The following ZDHHC24 variants were observed in gnomAD, a reference collection of about 807,000 sequenced individuals.
The protein encoded by ZDHHC24 is zDHHC palmitoyltransferase 24, also known as probable palmitoyltransferase ZDHHC24.
In ZDHHC24, 17 loss-of-function variants were observed where a neutral mutation model predicts 23.2. The ratio of observed to expected loss-of-function variants is 0.73; its 90% CI spans 0.50 to 1.10. The LOEUF is 1.10. Ranked by LOEUF, ZDHHC24 falls within the 50% of genes least tolerant of loss-of-function variation. ZDHHC24 has a pLI of 0.00. For synonymous variants in ZDHHC24, 186 were observed against 194.5 expected (o/e 0.96, Z 0.36); for missense variants, 366 against 393.0 (o/e 0.93, Z 0.58).
At chr11:66,523,364 AG>A in intron 4 of ZDHHC24, 6 of 1,571,782 alleles carry the variant, frequency 3.8e-6, no homozygotes, top group Non-Finnish European at 5.3e-6. Flanking sequence ...TGTTCCTCCC[AG>A]GTGAGTCCAT....
rs1042599819 is a variant in ZDHHC24, at chr11:66,546,025, G to A, written c.-22C>T. The A allele has an allele frequency of 5.8e-6, 8 of 1,377,340 alleles. No individual in the cohort carries two copies. The African/African-American group carries it at 1.2e-4, about 21-fold the overall frequency. 85.3% of individuals were successfully genotyped at this position (1,377,340 alleles called of 1,614,324 possible). ...CCATGGCCTGGACACCCAGCTGTCG[G>A]AGCCGGAGGACTAGGCCGCTTCCGT... On this transcript the variant is annotated 5_prime_UTR_variant, in exon 1 of 3. Coordinates refer to ENST00000310442, the MANE Select transcript of ZDHHC24 (RefSeq NM_207340.3).
chr11:66,523,098 T>C (rs1377095218), intron 4 of ZDHHC24: 1 of 470,524 alleles, frequency 2.1e-6, no homozygotes, highest in Non-Finnish European at 4.2e-6. Context: ...TTTCTCATAA[T>C]AAAGTGCCTA....
intron 4 of ZDHHC24, chr11:66,524,099 G>A: frequency 4.8e-6 from 3 of 626,136 alleles, no homozygotes; most frequent in Non-Finnish European, 8.5e-6. Flanking sequence ...AGCCAACATG[G>A]CATAACCCCC....
Position 66,536,540 on chromosome 11 carries a change from T to G in ZDHHC24, c.*2989A>C. ...GCTTGGGCAACAGAGAGACTCCATCTCGAAAAATAAAACAAAACACACAAA... is the reference window on the plus strand; with the variant it reads ...GCTTGGGCAACAGAGAGACTCCATCGCGAAAAATAAAACAAAACACACAAA... On this transcript the variant is annotated 3_prime_UTR_variant, in exon 3 of 3. Transcript: ENST00000310442. 6.6e-6 allele frequency: 1 copy of G among 152,256 alleles called. No individual in the cohort carries two copies. Among genetic ancestry groups the G allele is most frequent in the South Asian group, 2.1e-4 (1 of 4,822 alleles). The allele number at this position is 152,256 out of a possible 1,614,324, so 9.4% of individuals were successfully genotyped here. A position where few individuals can be genotyped will look rare whatever the true frequency, so the allele number is the denominator to read the frequency against.
chr11:66,539,889 C>A, intron 2 of ZDHHC24, 65 bp from the exon 3 acceptor site: 1 of 1,420,842 alleles, frequency 7.0e-7, no homozygotes, highest in Admixed American at 2.5e-5. Flanking sequence ...GCCACCTGCT[C>A]CCCTCCACCA....
At chr11:66,530,443 G>A (rs1047021667) in intron 2 of ZDHHC24, among the ~76,000 whole-genome samples, 1 of 152,044 alleles carries the variant, frequency 6.6e-6, no homozygotes, top group South Asian at 2.1e-4. Flanking sequence ...AGCAGGGCTC[G>A]GACCAGCCCT....
chr11:66,541,420 C>A (rs1031401934), intron 2 of ZDHHC24, among the ~76,000 whole-genome samples: 98 of 149,082 alleles, frequency 6.6e-4, no homozygotes, highest in Admixed American at 2.4e-3. Context: ...AAAAAAAAAA[C>A]CATTCTGTTT....
chr11:66,524,107 C>T (rs1018657874), intron 4 of ZDHHC24: 3 of 592,516 alleles, frequency 5.1e-6, no homozygotes, highest in Non-Finnish European at 9.1e-6. Context: ...TGGCATAACC[C>T]CCTTGCTACT....
chr11:66,526,330 C>G, intron 4 of ZDHHC24: 1 of 911,054 alleles, frequency 1.1e-6, no homozygotes, highest in Non-Finnish European at 1.7e-6. Context: ...AAGTGTCCTT[C>G]TGGAGCTAGG....
In ZDHHC24 at chr11:66,543,777, C is replaced by T. The variant is rs775767682; in HGVS notation, c.486G>A (p.Ser162=). The change falls in exon 2 of 3, where the codon TCG becomes TCA. Residue 162 remains serine (S), a synonymous_variant. Transcript: ENST00000310442. ...HVSVLLGPAL[S]ALLRAHTPLH... ...GGGGCGTGTGGGCTCGCAGCAGGGC[C>T]GACAGTGCAGGGCCCAGCAGCACAG... 19 of 1,610,832 alleles carry T rather than the reference C, an allele frequency of 1.2e-5. No individual in the cohort carries two copies. The highest frequency in any genetic ancestry group is 8.4e-5 in the Admixed American group (5 of 59,230).
chr11:66,523,395 G>C lies in ZDHHC24; in HGVS notation c.*22-1929C>G, dbSNP rs1856331198. 2.5e-6 allele frequency: 4 copies of C among 1,613,326 alleles called. No individual in the cohort carries two copies. In the African/African-American group the frequency reaches 5.3e-5, roughly 22 times the overall value. On this transcript the variant is annotated intron_variant, in intron 4 of 4. Transcript: ENST00000526986. ...GTCCATGAGGTTTAGACAGAGGAGG[G>C]TCAGCCATAGAAGTGGAGAGGATTT...
At chr11:66,531,547 C>T, downstream of ZDHHC24, 2 of 1,435,878 alleles carry the variant, frequency 1.4e-6, no homozygotes, top group Non-Finnish European at 2.0e-6. Context: ...GTCCTGCCCA[C>T]CCTGCAGGGG....
intron 2 of ZDHHC24, among the ~76,000 whole-genome samples, chr11:66,541,143 T>C (rs1857139686): frequency 6.6e-6 from 1 of 152,164 alleles, no homozygotes; most frequent in Admixed American, 6.5e-5. Context: ...GGCTCATGCC[T>C]GTAATCCCAG....
chr11:66,531,635 C>A (rs781531464), downstream of ZDHHC24: 3 of 1,614,028 alleles, frequency 1.9e-6, no homozygotes, highest in Non-Finnish European at 2.5e-6. Flanking sequence ...GGTTTCCTTA[C>A]TTCTTTGTCC....
chr11:66,545,724 C>A lies in ZDHHC24; in HGVS notation c.280G>T (p.Ala94Ser). 1.3e-6 allele frequency: 2 copies of A among 1,555,622 alleles called. No homozygotes were observed. Among genetic ancestry groups the A allele is most frequent in the South Asian group, 1.2e-5 (1 of 83,802 alleles). Reference sequence around the variant, plus strand: ...CGCCCGATCCCGCACCCCACTCACGCCCAGCCCTGGCCCAGACCGCGGCCG... The same window carrying A: ...CGCCCGATCCCGCACCCCACTCACGACCAGCCCTGGCCCAGACCGCGGCCG... ...LAGRGLGQGW[A>S]YCYQCQSQVP... The change falls in exon 1 of 3, where the codon GCT becomes TCT. Residue 94 changes from alanine (A) to serine (S), a missense_variant and splice_region_variant. Transcript: ENST00000310442. This position sits in a 1 kb window ranked among gnomAD's most constrained non-coding sequence, Gnocchi z 4.5.
In ZDHHC24 at chr11:66,527,291, T is replaced by TGTTCATTCATTCATCGTTC. The variant is rs765509798; in HGVS notation, c.737-304_737-286dup. 4.5e-3 allele frequency among the ~76,000 whole-genome samples: 683 copies of TGTTCATTCATTCATCGTTC among 152,254 alleles called. 1 individual carries two copies. The highest frequency in any genetic ancestry group is 6.7e-3 in the Non-Finnish European group (458 of 67,988). Reference sequence around the variant, plus strand: ...GTCCAGTTTTTCCTGCCCGTTTATTTGTTCATTCATTCATCGTTCGTTCAT... The same window carrying TGTTCATTCATTCATCGTTC: ...GTCCAGTTTTTCCTGCCCGTTTATTTGTTCATTCATTCATCGTTCGTTCATTCATTCATCGTTCGTTCAT... On this transcript the variant is annotated intron_variant, in intron 3 of 4. Transcript: ENST00000526986.
chr11:66,533,475 G>A (rs1856862555), downstream of ZDHHC24: 2 of 152,110 alleles, frequency 1.3e-5, no homozygotes, highest in Non-Finnish European at 2.9e-5. Context: ...GCTCTCTTTT[G>A]TCAGCAACCC....
At chr11:66,522,882 C>T (rs183141150) in intron 4 of ZDHHC24, 1 of 345,414 alleles carries the variant, frequency 2.9e-6, no homozygotes, top group Admixed American at 4.2e-5. Context: ...AGGAACACCT[C>T]TCTGTGGAGA....
At chr11:66,529,842 G>T in intron 2 of ZDHHC24, 1 of 1,611,198 alleles carries the variant, frequency 6.2e-7, no homozygotes. Context: ...CTTCCAGACA[G>T]ACCTATACCT....
Sources: gnomAD v4.1 joint callset for allele counts (sites outside exome capture counted in the v4.1 genomes callset) on GRCh38, gnomAD v4.1.1 for gene constraint, Gnocchi (gnomAD v3.1) non-coding constraint, MANE v1.5 for transcripts, NCBI Gene and HGNC (gene_info 2026-07-23, HGNC 2026-07-21) for gene names.